NTRK3: variants seen among roughly 807,000 people sequenced by gnomAD.
NTRK3 encodes NT-3 growth factor receptor.
A neutral mutation model predicts 91.7 loss-of-function variants in NTRK3; 24 were observed. The ratio of observed to expected loss-of-function variants is 0.26; its 90% CI spans 0.19 to 0.37. The LOEUF (loss-of-function observed/expected upper bound fraction) is 0.37, where lower values mean the gene tolerates loss of function less well. Ranked by LOEUF, NTRK3 falls within the 10% of genes least tolerant of loss-of-function variation. The pLI is 1.00. For missense variants in NTRK3, 880 were observed against 1,068.9 expected (o/e 0.82, Z 2.46); for synonymous variants, 483 against 404.0 (o/e 1.20, Z -2.34).
intron 14 of NTRK3, among the ~76,000 whole-genome samples, chr15:87,944,678 C>A (rs1361615257): frequency 6.6e-6 from 1 of 152,204 alleles, no homozygotes; most frequent in Non-Finnish European, 1.5e-5. Flanking sequence ...TTCCACTACT[C>A]AACTTTCCCT....
In NTRK3 at chr15:88,152,730, C is replaced by A. The variant is rs189357021; in HGVS notation, c.396-5327G>T. Among the ~76,000 whole-genome samples, 275 of 152,328 alleles carry A rather than the reference C, an allele frequency of 1.8e-3. 1 individual carries two copies. The highest frequency in any genetic ancestry group is 6.4e-3 in the African/African-American group (265 of 41,578). On this transcript the variant is annotated intron_variant, in intron 5 of 18. Coordinates refer to ENST00000394480, the Ensembl canonical transcript of NTRK3. ...GCCAAGTTGGCTGCCTCACTGTGAT[C>A]CCTGAAAGCCTCCAAGTCATGGTTT...
chr15:87,870,422 C>G (rs8031891), exon 19 of NTRK3: 8,146 of 203,450 alleles, frequency 0.04, 722 homozygotes, highest in African/African-American at 0.18. Context: ...ATGGACTCTG[C>G]GGACTCAGGG....
At chr15:88,137,795 G>A (rs1200141773) in intron 6 of NTRK3, among the ~76,000 whole-genome samples, 1 of 152,266 alleles carries the variant, frequency 6.6e-6, no homozygotes, top group Non-Finnish European at 1.5e-5. Flanking sequence ...GCTCATGCCT[G>A]TAATCCCAGC....
intron 5 of NTRK3, among the ~76,000 whole-genome samples, chr15:88,154,798 G>A (rs1181520418): frequency 6.6e-6 from 1 of 152,106 alleles, no homozygotes. Context: ...CTTGAAAATT[G>A]TATTAAAATT....
intron 13 of NTRK3, among the ~76,000 whole-genome samples, chr15:88,077,037 C>T (rs1296405155): frequency 2.6e-5 from 4 of 151,980 alleles, no homozygotes; most frequent in Non-Finnish European, 5.9e-5. Flanking sequence ...GAGGTTGCAA[C>T]GAGCCGAGAT....
At chr15:88,103,715 C>G (rs938865100) in intron 13 of NTRK3, among the ~76,000 whole-genome samples, 4 of 152,160 alleles carry the variant, frequency 2.6e-5, no homozygotes, top group Non-Finnish European at 2.9e-5. Flanking sequence ...CAGTGCCATG[C>G]TATAAGCCAT....
intron 14 of NTRK3, among the ~76,000 whole-genome samples, chr15:88,013,141 A>G (rs111912167): frequency 1.3e-5 from 1 of 79,800 alleles, no homozygotes; most frequent in Admixed American, 1.3e-4. Context: ...ACTGGTAAAG[A>G]CCCACTACCA....
chr15:88,171,768 C>A (rs1036079045), intron 5 of NTRK3, among the ~76,000 whole-genome samples: 3 of 152,246 alleles, frequency 2.0e-5, no homozygotes, highest in Admixed American at 1.3e-4. Context: ...GCCTAGTCTG[C>A]CCACCTTCAA....
intron 3 of NTRK3, among the ~76,000 whole-genome samples, chr15:88,184,808 G>T (rs1269548246): frequency 6.6e-6 from 1 of 152,218 alleles, no homozygotes; most frequent in African/African-American, 2.4e-5. Flanking sequence ...CATCACCAGG[G>T]TCTAGACTCT....
intron 5 of NTRK3, among the ~76,000 whole-genome samples, chr15:88,165,940 G>C (rs189593443): frequency 6.8e-4 from 104 of 152,312 alleles, no homozygotes; most frequent in Admixed American, 2.7e-3. Flanking sequence ...TCTATACTAT[G>C]CAGGTGAAAA....
At chr15:88,196,829 G>A (rs1178869488) in intron 3 of NTRK3, among the ~76,000 whole-genome samples, 1 of 152,096 alleles carries the variant, frequency 6.6e-6, no homozygotes, top group Non-Finnish European at 1.5e-5. Flanking sequence ...TAGTTCTACA[G>A]CTCTACCCTT....
In NTRK3 at chr15:88,233,330, C is replaced by T. The variant is rs1027058030; in HGVS notation, c.248+22576G>A. Reference sequence around the variant, plus strand: ...GAAACACCTCTGGCTTCACACAGTTCCACCTGCAGTGGTGGCTGGGGGTCT... The same window carrying T: ...GAAACACCTCTGGCTTCACACAGTTTCACCTGCAGTGGTGGCTGGGGGTCT... On this transcript the variant is annotated intron_variant, in intron 3 of 18. Coordinates refer to ENST00000394480, the Ensembl canonical transcript of NTRK3. This position sits in a 1 kb window ranked among gnomAD's most constrained non-coding sequence, Gnocchi z 4.2. 4.6e-5 allele frequency among the ~76,000 whole-genome samples: 7 copies of T among 152,260 alleles called. No homozygotes were observed. Among genetic ancestry groups the T allele is most frequent in the African/African-American group, 1.7e-4 (7 of 41,540 alleles).
In NTRK3 at chr15:88,128,736, T is replaced by A. The variant is rs766729456; in HGVS notation, c.1205-2A>T. ...ACAAGATAAAGTTATCCGTGCTCTC[T>A]GCAAAAAAAGGACAAAGAGATAATT... On this transcript the variant is annotated splice_acceptor_variant, in intron 10 of 18. Transcript: ENST00000394480. LOFTEE classifies it high-confidence loss of function. The A allele has an allele frequency of 6.2e-7, 1 of 1,613,874 alleles. No homozygotes were observed. The highest frequency in any genetic ancestry group is 1.1e-5 in the South Asian group (1 of 91,078).
At chr15:88,199,846 C>T (rs750856941) in intron 3 of NTRK3, among the ~76,000 whole-genome samples, 25 of 152,210 alleles carry the variant, frequency 1.6e-4, no homozygotes, top group Non-Finnish European at 2.2e-4. Context: ...GAATGTAGAA[C>T]CTCACAGCTG....
chr15:88,103,463 T>C (rs537144430), intron 13 of NTRK3, among the ~76,000 whole-genome samples: 2 of 152,182 alleles, frequency 1.3e-5, no homozygotes, highest in Admixed American at 1.3e-4. Context: ...AGATATCTGA[T>C]TGGTATGAGA....
rs113472874 is a variant in NTRK3, at chr15:87,924,228, C to G, written c.2133+4963G>C. ...AGGAATTATAGGAGCAGAGATCAAACCAAGGCAGTGTGGGTCCAAGAGCTT... is the reference window on the plus strand; with the variant it reads ...AGGAATTATAGGAGCAGAGATCAAAGCAAGGCAGTGTGGGTCCAAGAGCTT... On this transcript the variant is annotated intron_variant, in intron 17 of 18. Coordinates refer to ENST00000394480, the Ensembl canonical transcript of NTRK3. Among the ~76,000 whole-genome samples the G allele has an allele frequency of 7.6e-3, 1,156 of 152,242 alleles. 13 individuals carry two copies. Among genetic ancestry groups the G allele is most frequent in the Middle Eastern group, 0.034 (10 of 294 alleles).
At chr15:88,095,465 A>C (rs79089791) in intron 13 of NTRK3, among the ~76,000 whole-genome samples, 1 of 152,204 alleles carries the variant, frequency 6.6e-6, no homozygotes, top group Admixed American at 6.5e-5. Context: ...AATGTTGTCA[A>C]TGGCATTTTT....
At chr15:88,204,105 C>T (rs537025911) in intron 3 of NTRK3, among the ~76,000 whole-genome samples, 1 of 152,304 alleles carries the variant, frequency 6.6e-6, no homozygotes, top group Non-Finnish European at 1.5e-5. Flanking sequence ...TTGTTCAACT[C>T]CCACTTATGA....
At chr15:88,099,268 C>T (rs926863673) in intron 13 of NTRK3, 28 of 224,242 alleles carry the variant, frequency 1.2e-4, no homozygotes, top group Non-Finnish European at 2.4e-4. Flanking sequence ...ATGTGGAGCA[C>T]GACTGACTTT....
Sources: allele counts gnomAD v4.1 joint callset (sites outside exome capture counted in the v4.1 genomes callset), GRCh38; gene constraint gnomAD v4.1.1; non-coding constraint Gnocchi (gnomAD v3.1); transcripts MANE v1.5; gene names NCBI Gene and HGNC (gene_info 2026-07-23, HGNC 2026-07-21).